Variants in PRKAR1A observed in about 807,000 individuals in gnomAD.
PRKAR1A encodes the protein cAMP-dependent protein kinase type I-alpha regulatory subunit.
PRKAR1A carries 3 observed loss-of-function variants against 52.0 expected under a neutral mutation model. The ratio of observed to expected loss-of-function variants is 0.06; its 90% CI spans 0.03 to 0.15. The LOEUF (loss-of-function observed/expected upper bound fraction) is 0.15, where lower values mean the gene tolerates loss of function less well. PRKAR1A is among the 10% of genes least tolerant of loss of function. PRKAR1A has a pLI of 1.00. For synonymous variants in PRKAR1A, 188 were observed against 168.4 expected, an observed-to-expected ratio of 1.12 and a Z score of -0.90; for missense variants, 240 against 477.4, an observed-to-expected ratio of 0.50 and a Z score of 4.63.
the PRKAR1A span, among the ~76,000 whole-genome samples, chr17:68,419,815 G>C: frequency 6.7e-6 from 1 of 148,786 alleles, no homozygotes; most frequent in Admixed American, 6.6e-5. Flanking sequence ...AAAAAAAGTT[G>C]GGCGTGGTGG....
At chr17:68,499,023 G>C in the PRKAR1A span, among the ~76,000 whole-genome samples, 1 of 152,246 alleles carries the variant, frequency 6.6e-6, no homozygotes, top group East Asian at 1.9e-4. Context: ...CTGTAAAATA[G>C]GAACAACAAT....
At chr17:68,456,732 A>C in the PRKAR1A span, among the ~76,000 whole-genome samples, 1 of 152,142 alleles carries the variant, frequency 6.6e-6, no homozygotes, top group Non-Finnish European at 1.5e-5. Context: ...GGCGATGTGA[A>C]AACAGCCAAA....
chr17:68,470,242 T>C, the PRKAR1A span, among the ~76,000 whole-genome samples: 7 of 152,160 alleles, frequency 4.6e-5, no homozygotes, highest in Non-Finnish European at 1.0e-4. Flanking sequence ...CCACCGCACC[T>C]GACTAATTTT....
chr17:68,542,828 T>G, intron 11 of PRKAR1A: 7 of 1,570,680 alleles, frequency 4.5e-6, no homozygotes, highest in Non-Finnish European at 4.4e-6. Context: ...GAGGAAGCTC[T>G]GTTCCATCTG....
the PRKAR1A span, among the ~76,000 whole-genome samples, chr17:68,455,926 T>C: frequency 6.6e-6 from 1 of 152,232 alleles, no homozygotes; most frequent in East Asian, 1.9e-4. Context: ...TCAACAGCCA[T>C]GCCCTCTTGC....
rs200069356 is a variant in PRKAR1A, at chr17:68,522,799, G to C, written c.221G>C (p.Arg74Pro). ...QIQNLQKAGT[R>P]TDSREDEISP... ...CAGAATCTGCAGAAAGCAGGCACTC[G>C]TACAGACTCAAGGGAGGATGAGATT... Residue 74 changes from arginine (R) to proline (P), a missense_variant, in exon 3 of 11, where the codon CGT becomes CCT. Physicochemically the swap from Arg to Pro is moderately radical, Grantham distance 103. Transcript: ENST00000589228. The C allele has an allele frequency of 1.2e-6, 2 of 1,614,122 alleles. No individual in the cohort carries two copies. The highest frequency in any genetic ancestry group is 2.2e-5 in the East Asian group (1 of 44,878).
the PRKAR1A span, chr17:68,427,122 C>G: frequency 6.2e-7 from 1 of 1,608,498 alleles, no homozygotes; most frequent in African/African-American, 1.3e-5. Flanking sequence ...CTGTTGGCCC[C>G]GTGTCCACCC....
At chr17:68,450,695 A>T in the PRKAR1A span, 23 of 1,574,836 alleles carry the variant, frequency 1.5e-5, no homozygotes, top group Non-Finnish European at 2.0e-5. Flanking sequence ...CGTTAGCAGA[A>T]GCTTTGAAAC....
chr17:68,457,189 G>A, the PRKAR1A span, among the ~76,000 whole-genome samples: 1 of 152,128 alleles, frequency 6.6e-6, no homozygotes, highest in Non-Finnish European at 1.5e-5. Flanking sequence ...AAGGGGTACG[G>A]GGATAACAAG....
the PRKAR1A span, among the ~76,000 whole-genome samples, chr17:68,462,613 G>A: frequency 6.6e-6 from 1 of 152,206 alleles, no homozygotes; most frequent in Non-Finnish European, 1.5e-5. Context: ...CCAAAGTGGA[G>A]ACTGTCGAGT....
chr17:68,497,140 C>T, the PRKAR1A span, among the ~76,000 whole-genome samples: 1 of 152,058 alleles, frequency 6.6e-6, no homozygotes, highest in South Asian at 2.1e-4. Flanking sequence ...TTTTCAGTGG[C>T]TAAACAAGCT....
chr17:68,519,494 T>C (rs1253383505), intron 2 of PRKAR1A, among the ~76,000 whole-genome samples: 2 of 152,166 alleles, frequency 1.3e-5, no homozygotes, highest in East Asian at 3.9e-4. Context: ...GTGATTAAAT[T>C]ACCTCCCACC....
At chr17:68,550,155 A>T (rs955826832) in intron 11 of PRKAR1A, among the ~76,000 whole-genome samples, 1 of 152,142 alleles carries the variant, frequency 6.6e-6, no homozygotes, top group Non-Finnish European at 1.5e-5. Context: ...CTAAGTGATG[A>T]TGACAACCAA....
At chr17:68,417,019 G>A in the PRKAR1A span, among the ~76,000 whole-genome samples, 2 of 152,278 alleles carry the variant, frequency 1.3e-5, no homozygotes, top group Admixed American at 1.3e-4. Flanking sequence ...GTGAGCTAGT[G>A]TGATTTTTTG....
the PRKAR1A span, among the ~76,000 whole-genome samples, chr17:68,481,346 A>G: frequency 6.6e-6 from 1 of 152,244 alleles, no homozygotes; most frequent in Non-Finnish European, 1.5e-5. Context: ...CATGTAATAT[A>G]GAATGAAATA....
the PRKAR1A span, chr17:68,420,279 C>G: frequency 6.2e-7 from 1 of 1,614,134 alleles, no homozygotes; most frequent in East Asian, 2.2e-5. Context: ...ACCGCAGAAG[C>G]TGTGCCCCTA....
the PRKAR1A span, chr17:68,433,363 C>A: frequency 1.8e-6 from 2 of 1,092,504 alleles, no homozygotes; most frequent in East Asian, 2.4e-5. Flanking sequence ...CAAGTGAAGC[C>A]AAGATTGGGT....
intron 9 of PRKAR1A, 109 bp from the exon 10 acceptor site, chr17:68,529,811 T>C (rs1038971296): frequency 1.3e-5 from 13 of 1,038,628 alleles, no homozygotes; most frequent in East Asian, 2.4e-5. Context: ...AGTCATTTTT[T>C]ATCATATGCA....
chr17:68,449,496 G>A, the PRKAR1A span, among the ~76,000 whole-genome samples: 3 of 152,148 alleles, frequency 2.0e-5, no homozygotes, highest in Non-Finnish European at 4.4e-5. Flanking sequence ...ATCTCATGTC[G>A]AATTGTAATC....
Sources: gnomAD v4.1 joint callset for allele counts (sites outside exome capture counted in the v4.1 genomes callset) on GRCh38, gnomAD v4.1.1 for gene constraint, MANE v1.5 for transcripts, NCBI Gene and HGNC (gene_info 2026-07-23, HGNC 2026-07-21) for gene names.